The following THSD7A variants were observed in gnomAD, a reference collection of about 807,000 sequenced individuals.
THSD7A encodes thrombospondin type-1 domain-containing protein 7A.
A neutral mutation model predicts 231.3 loss-of-function variants in THSD7A; 96 were observed. The ratio of observed to expected loss-of-function variants is 0.41; its 90% confidence interval spans 0.35 to 0.49. The LOEUF (loss-of-function observed/expected upper bound fraction) is 0.49. Among genes scored for constraint, THSD7A ranks in the 20% least tolerant of loss-of-function variants. THSD7A has a pLI of 0.05. For missense variants in THSD7A, 2,290 were observed against 2,070.2 expected, an observed-to-expected ratio of 1.11 and a Z score of -2.06; for synonymous variants, 940 against 743.3, an observed-to-expected ratio of 1.26 and a Z score of -4.30.
rs1782204683 is a variant in THSD7A at position 11,374,954 on chromosome 7, T to C, written c.*840A>G. The stretch of plus-strand genomic sequence containing the variant: ...TGAAAAGAGGCAGTTTCTATGGCAA[T>C]ACTGGTTAAGCGCCTATCGTGCTGC... On this transcript the variant is annotated 3_prime_UTR_variant, in exon 28 of 28. Coordinates refer to ENST00000423059, the MANE Select transcript of THSD7A (RefSeq NM_015204.3). 1 of 152,142 alleles carries C rather than the reference T, an allele frequency of 6.6e-6. No homozygotes were observed. Among genetic ancestry groups the C allele is most frequent in the African/African-American group, 2.4e-5 (1 of 41,454 alleles). 9.4% of individuals were successfully genotyped at this position (152,142 alleles called of 1,614,324 possible).
chr7:11,383,756 T>G (rs1412307690), intron 23 of THSD7A: 1 of 152,020 alleles, frequency 6.6e-6, no homozygotes, highest in Non-Finnish European at 1.5e-5. Flanking sequence ...GCTGCTTATT[T>G]AAACATTTGG....
At chr7:11,425,660 A>T (rs1468243) in intron 15 of THSD7A, among the ~76,000 whole-genome samples, 9,765 of 151,810 alleles carry the variant, frequency 0.064, 664 homozygotes, top group African/African-American at 0.16. Flanking sequence ...AACCAAGCTG[A>T]CTCAAGCATT....
chr7:11,731,043 A>T (rs561090473), intron 1 of THSD7A, among the ~76,000 whole-genome samples: 3 of 151,374 alleles, frequency 2.0e-5, no homozygotes, highest in African/African-American at 7.3e-5. Context: ...CTCTGCATAT[A>T]TAAATTGTTT....
At chr7:11,542,656 C>T (rs1252070260) in intron 5 of THSD7A, among the ~76,000 whole-genome samples, 1 of 152,126 alleles carries the variant, frequency 6.6e-6, no homozygotes, top group Non-Finnish European at 1.5e-5. Context: ...CTTATCTAAA[C>T]AGTAAGGGAC....
In THSD7A at chr7:11,444,807, G is replaced by A. The variant is rs981385875; in HGVS notation, c.3064+1254C>T. Among the ~76,000 whole-genome samples the A allele has an allele frequency of 6.8e-6, 1 of 146,078 alleles. No individual in the cohort carries two copies. The highest frequency in any genetic ancestry group is 2.5e-5 in the African/African-American group (1 of 39,336). ...TCTGTGTGTGTGTGTGTGTGTGTGT[G>A]TATAAACTATATATATAATTAAACT... On this transcript the variant is annotated intron_variant, in intron 13 of 27. Transcript: ENST00000423059. The surrounding 1 kb of genome is among the most constrained non-coding windows in gnomAD (Gnocchi z 4.2).
chr7:11,504,988 A>G (rs959330358), intron 6 of THSD7A, among the ~76,000 whole-genome samples: 2 of 152,190 alleles, frequency 1.3e-5, no homozygotes, highest in African/African-American at 2.4e-5. Flanking sequence ...TGTTGTAGGC[A>G]TAAGGCAACT....
intron 4 of THSD7A, among the ~76,000 whole-genome samples, chr7:11,569,705 G>C (rs79825245): frequency 0.031 from 4,786 of 152,200 alleles, 147 homozygotes; most frequent in East Asian, 0.16. Flanking sequence ...GTGTATCAAA[G>C]GGATACCTGC....
At chr7:11,516,414 T>A (rs1325589991) in intron 6 of THSD7A, among the ~76,000 whole-genome samples, 6 of 152,220 alleles carry the variant, frequency 3.9e-5, no homozygotes, top group African/African-American at 1.4e-4. Context: ...GACCTACTAC[T>A]GATCAGCTAG....
intron 1 of THSD7A, among the ~76,000 whole-genome samples, chr7:11,669,971 A>ATGTGTG (rs35769040): frequency 3.8e-4 from 58 of 150,852 alleles, no homozygotes; most frequent in African/African-American, 9.5e-4. Flanking sequence ...TGTTGCATTC[A>ATGTGTG]TGTGTGTGTG....
chr7:11,712,095 G>C (rs1007488331), intron 1 of THSD7A, among the ~76,000 whole-genome samples: 1 of 151,026 alleles, frequency 6.6e-6, no homozygotes, highest in East Asian at 2.0e-4. Context: ...AATATGAATA[G>C]GAAAAAACTA....
intron 4 of THSD7A, among the ~76,000 whole-genome samples, chr7:11,564,970 T>C (rs1300859136): frequency 2.0e-5 from 3 of 152,178 alleles, no homozygotes; most frequent in African/African-American, 7.2e-5. Flanking sequence ...ATCAACAGCT[T>C]GTTGGGGATA....
chr7:11,706,302 A>C (rs1780763762), intron 1 of THSD7A, among the ~76,000 whole-genome samples: 1 of 150,954 alleles, frequency 6.6e-6, no homozygotes. Flanking sequence ...TGCACACTAC[A>C]CATTTATAAA....
chr7:11,671,436 G>C (rs1022532007), intron 1 of THSD7A, among the ~76,000 whole-genome samples: 5 of 152,148 alleles, frequency 3.3e-5, no homozygotes, highest in African/African-American at 1.2e-4. Context: ...ATAGGCATGT[G>C]TATTTTGAAA....
intron 6 of THSD7A, among the ~76,000 whole-genome samples, chr7:11,523,474 G>C (rs1469634487): frequency 1.3e-5 from 2 of 152,036 alleles, no homozygotes. Context: ...TGGATGGAGA[G>C]ATTATGTGTG....
chr7:11,568,194 C>G (rs1790447070), intron 4 of THSD7A, among the ~76,000 whole-genome samples: 1 of 152,196 alleles, frequency 6.6e-6, no homozygotes, highest in Admixed American at 6.5e-5. Flanking sequence ...ATTAAGTTCA[C>G]TGTTCTCAGA....
intron 1 of THSD7A, among the ~76,000 whole-genome samples, chr7:11,667,322 A>G (rs908587285): frequency 3.9e-5 from 6 of 152,032 alleles, no homozygotes; most frequent in African/African-American, 1.4e-4. Context: ...TTTCCATTCC[A>G]TTGTTTACAA....
intron 6 of THSD7A, among the ~76,000 whole-genome samples, chr7:11,498,875 C>T (rs1449728571): frequency 1.3e-5 from 2 of 152,098 alleles, no homozygotes; most frequent in African/African-American, 4.8e-5. Context: ...CCCAAGCATA[C>T]AGCAGCAGCC....
rs574707652 is a variant in THSD7A, at chr7:11,471,018, A to T, written c.2253-1024T>A. On this transcript the variant is annotated intron_variant, in intron 8 of 27. Coordinates refer to ENST00000423059, the MANE Select transcript of THSD7A (RefSeq NM_015204.3). ...AAAGGCTGAGAAGTAATAATTTTTA[A>T]ATTTCCCAATTCTTCTCTGCATTTT... is the stretch of plus-strand genomic sequence containing the variant. 8.5e-4 allele frequency among the ~76,000 whole-genome samples: 130 copies of T among 152,080 alleles called. 1 individual carries two copies. The highest frequency in any genetic ancestry group is 3.0e-3 in the African/African-American group (125 of 41,564).
Position 11,446,227 on chromosome 7 carries a change from C to T in THSD7A, c.2898G>A (p.Val966=), listed in dbSNP as rs1268561268. Residue 966 remains valine, a synonymous_variant, in exon 13 of 28, where the codon GTG becomes GTA. Transcript: ENST00000423059. This position sits in a 1 kb window ranked among gnomAD's most constrained non-coding sequence, Gnocchi z 4.0. The part of the protein sequence containing the change: ...CPCDKYNAQP[V]GNWSDCILPE... ...GTAAAATACAGTCTGACCAGTTCCC[C>T]ACAGGTTGTGCATTATATTTGTCAC... 5.6e-6 allele frequency: 9 copies of T among 1,613,408 alleles called. No individual in the cohort carries two copies. The highest frequency in any genetic ancestry group is 7.6e-6 in the Non-Finnish European group (9 of 1,179,652).
Sources: allele counts gnomAD v4.1 joint callset (sites outside exome capture counted in the v4.1 genomes callset), GRCh38; gene constraint gnomAD v4.1.1; non-coding constraint Gnocchi (gnomAD v3.1); transcripts MANE v1.5; gene names NCBI Gene and HGNC (gene_info 2026-07-23, HGNC 2026-07-21).